CSNK1G2: variants seen among roughly 807,000 people sequenced by gnomAD.
The protein encoded by CSNK1G2 is casein kinase 1 gamma 2, also known as casein kinase I isoform gamma-2.
A neutral mutation model predicts 48.0 loss-of-function variants in CSNK1G2; 11 were observed. The ratio of observed to expected loss-of-function variants is 0.23; its 90% CI spans 0.14 to 0.38. The LOEUF is 0.38. CSNK1G2 is among the 10% of genes least tolerant of loss of function. The pLI, the probability that CSNK1G2 is intolerant of heterozygous loss-of-function variation, is 1.00. For missense variants in CSNK1G2, 446 were observed against 595.5 expected, an observed-to-expected ratio of 0.75 and a Z score of 2.61; for synonymous variants, 337 against 254.1, an observed-to-expected ratio of 1.33 and a Z score of -3.10.
intron 2 of CSNK1G2, among the ~76,000 whole-genome samples, chr19:1,971,341 G>T (rs1456870283): frequency 6.6e-6 from 1 of 152,228 alleles, no homozygotes; most frequent in Non-Finnish European, 1.5e-5. Flanking sequence ...CTGCGCAGAG[G>T]CTGGGCTTGG....
chr19:1,958,133 G>T (rs767282226), intron 1 of CSNK1G2, among the ~76,000 whole-genome samples: 1 of 152,048 alleles, frequency 6.6e-6, no homozygotes, highest in Non-Finnish European at 1.5e-5. Context: ...GAAGCACAGC[G>T]CAGCCTCATG....
In CSNK1G2 at chr19:1,947,472, G is replaced by A. The variant is rs568497827; in HGVS notation, c.-266+6054G>A. Among the ~76,000 whole-genome samples the A allele has an allele frequency of 3.5e-4, 54 of 152,378 alleles. 1 individual carries two copies. The South Asian group carries it at 0.011, about 30-fold the overall frequency. ...TTGTGCCCCTCGGGCTTCTGCTCCA[G>A]TGGTCCTGGGGCAGGGCAGCTGGCG... On this transcript the variant is annotated intron_variant, in intron 1 of 11. Transcript: ENST00000255641.
intron 1 of CSNK1G2, among the ~76,000 whole-genome samples, chr19:1,960,876 G>A (rs1194692497): frequency 2.6e-5 from 4 of 152,166 alleles, no homozygotes; most frequent in African/African-American, 7.2e-5. Context: ...GCGACAGAGC[G>A]AGACTCTGTC....
chr19:1,953,330 G>T (rs565798871), intron 1 of CSNK1G2: 41 of 526,466 alleles, frequency 7.8e-5, no homozygotes, highest in Admixed American at 7.3e-4. Flanking sequence ...CTGAGGTGGC[G>T]CAGGGTTGCT....
chr19:1,952,876 T>A (rs748362563), intron 1 of CSNK1G2: 1 of 434,578 alleles, frequency 2.3e-6, no homozygotes, highest in East Asian at 7.9e-5. Context: ...CTCGTGGGGA[T>A]CATCACAGAG....
intron 1 of CSNK1G2, among the ~76,000 whole-genome samples, chr19:1,960,811 C>T (rs2015172746): frequency 6.6e-6 from 1 of 152,200 alleles, no homozygotes. Flanking sequence ...ATCACTTGAA[C>T]CCGGGAGGCG....
In CSNK1G2 at chr19:1,969,643, A is replaced by G. The variant is rs2015497190; in HGVS notation, c.-130A>G. 4.9e-6 allele frequency: 4 copies of G among 811,392 alleles called. No individual in the cohort carries two copies. Among genetic ancestry groups the G allele is most frequent in the Non-Finnish European group, 6.7e-6 (4 of 592,730 alleles). The allele number at this position is 811,392 out of a possible 1,614,324, so 50.3% of individuals were successfully genotyped here. On this transcript the variant is annotated 5_prime_UTR_variant, in exon 2 of 12. Coordinates refer to ENST00000255641, the MANE Select transcript of CSNK1G2 (RefSeq NM_001319.7). ...GCCTGCGTCTCAGTAGCTGGGAGCCACGGGCCCACGCCCGCCCACCGGCCG... is the reference window on the plus strand; with the variant it reads ...GCCTGCGTCTCAGTAGCTGGGAGCCGCGGGCCCACGCCCGCCCACCGGCCG...
chr19:1,979,817 G>T lies in CSNK1G2; in HGVS notation c.1068G>T (p.Gln356His). 1 of 1,606,990 alleles carries T rather than the reference G, an allele frequency of 6.2e-7. No homozygotes were observed. Residue 356 changes from glutamine to histidine, a missense_variant, in exon 10 of 12, where the codon CAG becomes CAT. By Grantham distance (24) the Gln-to-His change is conservative. Around this residue, in one of 2 missense-constraint regions of CSNK1G2, gnomAD observed 188 missense variants for 179.6 expected, o/e 1.05. Coordinates refer to ENST00000255641, the MANE Select transcript of CSNK1G2 (RefSeq NM_001319.7). ...PSQPQLRDKT[Q>H]PHSKNQALNS... ...AGCCTCAGCTCCGGGACAAAACCCA[G>T]CCGCACAGCAAAAACCAGGTGAGGC...
intron 9 of CSNK1G2, 30 bp from the exon 10 acceptor site, chr19:1,979,722 C>A (rs1318281215): frequency 6.2e-7 from 1 of 1,603,716 alleles, no homozygotes; most frequent in Non-Finnish European, 8.5e-7. Context: ...GCGCTGCAGC[C>A]CATCCTGACC....
intron 2 of CSNK1G2, chr19:1,975,134 C>T: frequency 1.0e-6 from 1 of 985,456 alleles, no homozygotes; most frequent in Non-Finnish European, 1.2e-6. Context: ...CCGGGAAGGA[C>T]CCCATCACCA....
chr19:1,950,626 A>G (rs2014730299), intron 1 of CSNK1G2, among the ~76,000 whole-genome samples: 1 of 145,994 alleles, frequency 6.8e-6, no homozygotes, highest in South Asian at 2.2e-4. Context: ...GAAACAGCCA[A>G]GGCCTCCTTC....
intron 2 of CSNK1G2, chr19:1,975,157 G>A (rs976324425): frequency 1.3e-5 from 13 of 985,374 alleles, no homozygotes; most frequent in Non-Finnish European, 1.6e-5. Context: ...AGATGCATCA[G>A]AGCTTCAAAG....
intron 8 of CSNK1G2, 29 bp downstream of exon 8, chr19:1,979,432 G>GGCCCCCCCCCCCCC: frequency 6.8e-7 from 1 of 1,466,524 alleles, no homozygotes; most frequent in Non-Finnish European, 9.2e-7. Flanking sequence ...CCCGCCCTGT[G>GGCCCCCCCCCCCCC]CCCCCCACCC....
chr19:1,979,157 C>T lies in CSNK1G2; in HGVS notation c.683-6C>T, dbSNP rs566024183. On this transcript the variant is annotated splice_polypyrimidine_tract_variant and splice_region_variant and intron_variant, in intron 6 of 11. Transcript: ENST00000255641. ...CCCCGCTGAGGCTGCGCCCCTGTCC[C>T]CGCAGAGCAGAGCCGCCGCGACGAC... is the stretch of plus-strand genomic sequence containing the variant. The T allele has an allele frequency of 5.2e-5, 80 of 1,533,170 alleles. 1 individual carries two copies. The East Asian group carries it at 1.9e-3, about 36-fold the overall frequency. The allele number at this position is 1,533,170 out of a possible 1,614,324, so 95.0% of individuals were successfully genotyped here. A position where few individuals can be genotyped will look rare whatever the true frequency, so the allele number is the denominator to read the frequency against.
rs552405509 is a variant in CSNK1G2 at position 1,950,330 on chromosome 19, G to A, written c.-266+8912G>A. On this transcript the variant is annotated intron_variant, in intron 1 of 11. Transcript: ENST00000255641. Reference sequence around the variant, plus strand: ...AATTGTTTGTATTTTTAGTAGAGACGGGGTTTCACTGTGTTTGCCAGGATG... The same window carrying A: ...AATTGTTTGTATTTTTAGTAGAGACAGGGTTTCACTGTGTTTGCCAGGATG... Among the ~76,000 whole-genome samples, 11 of 147,210 alleles carry A rather than the reference G, an allele frequency of 7.5e-5. No individual in the cohort carries two copies. In the South Asian group the frequency reaches 1.1e-3, roughly 15 times the overall value.
rs866090887 is a variant in CSNK1G2 at position 1,951,272 on chromosome 19, G to A, written c.-266+9854G>A. ...CAAAAAATTAGCCGGGCGTGGTGGC[G>A]GGCGCCTGTAGTCCCAGCTACTCGG... is the stretch of plus-strand genomic sequence containing the variant. On this transcript the variant is annotated intron_variant, in intron 1 of 11. Coordinates refer to ENST00000255641, the MANE Select transcript of CSNK1G2 (RefSeq NM_001319.7). Among the ~76,000 whole-genome samples, 8 of 144,668 alleles carry A rather than the reference G, an allele frequency of 5.5e-5. 1 individual carries two copies. Among genetic ancestry groups the A allele is most frequent in the Middle Eastern group, 3.2e-3 (1 of 314 alleles). The allele number at this position is 144,668 out of a possible 152,430, so 94.9% of individuals were successfully genotyped here.
In CSNK1G2 at chr19:1,957,330, G is replaced by C. The variant is rs113406130; in HGVS notation, c.-265-12178G>C. Among the ~76,000 whole-genome samples, 3,871 of 152,324 alleles carry C rather than the reference G, an allele frequency of 0.025. 194 individuals carry two copies. The highest frequency in any genetic ancestry group is 0.089 in the African/African-American group (3,697 of 41,558). On this transcript the variant is annotated intron_variant, in intron 1 of 11. Coordinates refer to ENST00000255641, the MANE Select transcript of CSNK1G2 (RefSeq NM_001319.7). The surrounding 1 kb of genome is among the most constrained non-coding windows in gnomAD (Gnocchi z 5.4). ...GATGAGAAGCAGTGTGTGCCCGGGA[G>C]GTCACGTGGGCACCACAGACGAAAG...
chr19:1,958,194 G>C (rs2015063377), intron 1 of CSNK1G2, among the ~76,000 whole-genome samples: 1 of 151,514 alleles, frequency 6.6e-6, no homozygotes, highest in African/African-American at 2.4e-5. Context: ...GACTCCCACT[G>C]CCCCCACCAA....
rs746540201 is a variant in CSNK1G2 at position 1,969,818 on chromosome 19, C to T, written c.46C>T (p.Arg16Trp). 12 of 1,310,290 alleles carry T rather than the reference C, an allele frequency of 9.2e-6. No homozygotes were observed. The highest frequency in any genetic ancestry group is 3.0e-5 in the African/African-American group (2 of 66,320). The allele number at this position is 1,310,290 out of a possible 1,614,324, so 81.2% of individuals were successfully genotyped here. ...KGGKGETEEG[R>W]RMSKAGGGRS... ...AGGGAAAGGGGAGACGGAGGAGGGC[C>T]GGAGAATGTCCAAGGCCGGCGGGGG... Residue 16 changes from arginine to tryptophan, a missense_variant, in exon 2 of 12, where the codon CGG becomes TGG. Arg to Trp is a moderately radical substitution (Grantham distance 101). Around this residue, in one of 2 missense-constraint regions of CSNK1G2, gnomAD observed 258 missense variants for 415.9 expected, o/e 0.62. Coordinates refer to ENST00000255641, the MANE Select transcript of CSNK1G2 (RefSeq NM_001319.7).
Sources: gnomAD v4.1 joint callset for allele counts (sites outside exome capture counted in the v4.1 genomes callset) on GRCh38, gnomAD v4.1.1 for gene constraint, gnomAD v4.1.1 regional missense constraint, Gnocchi (gnomAD v3.1) non-coding constraint, MANE v1.5 for transcripts, NCBI Gene and HGNC (gene_info 2026-07-23, HGNC 2026-07-21) for gene names.